The following MYEF2 variants were observed in gnomAD, a reference collection of about 807,000 sequenced individuals.
MYEF2 encodes myelin gene expression factor 2.
A neutral mutation model predicts 75.2 loss-of-function variants in MYEF2; 37 were observed. The observed-to-expected ratio is 0.49, with a 90% CI of 0.38 to 0.65. MYEF2 has a LOEUF of 0.65. MYEF2 is among the 30% of genes least tolerant of loss of function. The pLI is 0.00. For synonymous variants in MYEF2, 195 were observed against 241.6 expected, an observed-to-expected ratio of 0.81 and a Z score of 1.79; for missense variants, 634 against 771.4, an observed-to-expected ratio of 0.82 and a Z score of 2.11.
rs952514537 is a variant in MYEF2 at position 48,141,744 on chromosome 15, T to C, written c.*1164A>G. On this transcript the variant is annotated 3_prime_UTR_variant, in exon 17 of 17. Transcript: ENST00000324324. Reference sequence around the variant, plus strand: ...TTCATTTGAAATGTGTGTTAAATAGTAATTAACCATTAACCATGTTAAATT... The same window carrying C: ...TTCATTTGAAATGTGTGTTAAATAGCAATTAACCATTAACCATGTTAAATT... The C allele has an allele frequency of 4.6e-6, 1 of 216,822 alleles. No homozygotes were observed. Among genetic ancestry groups the C allele is most frequent in the Non-Finnish European group, 9.1e-6 (1 of 110,144 alleles). 13.4% of individuals were successfully genotyped at this position (216,822 alleles called of 1,614,324 possible). A position where few individuals can be genotyped will look rare whatever the true frequency, so the allele number is the denominator to read the frequency against.
intron 7 of MYEF2, among the ~76,000 whole-genome samples, 177 bp downstream of exon 7, chr15:48,158,592 A>G (rs1208373949): frequency 6.6e-6 from 1 of 152,136 alleles, no homozygotes; most frequent in Non-Finnish European, 1.5e-5. Flanking sequence ...TGGCCAATTC[A>G]AGTTTTAAGA....
intron 16 of MYEF2, among the ~76,000 whole-genome samples, chr15:48,143,664 G>A (rs1301595261): frequency 6.6e-6 from 1 of 151,888 alleles, no homozygotes. Flanking sequence ...AATATGCTAC[G>A]GAAATAGTCA....
chr15:48,153,506 T>A, intron 10 of MYEF2: 1 of 274,684 alleles, frequency 3.6e-6, no homozygotes, highest in Non-Finnish European at 7.0e-6. Flanking sequence ...TAAATACTGT[T>A]CATAGATGAT....
chr15:48,174,677 G>T (rs1301922454), intron 1 of MYEF2, among the ~76,000 whole-genome samples: 1 of 152,012 alleles, frequency 6.6e-6, no homozygotes, highest in African/African-American at 2.4e-5. Context: ...ACGGCCAAAA[G>T]GTATATGAAA....
rs184366171 is a variant in MYEF2, at chr15:48,169,090, A to T, written c.162-251T>A. Among the ~76,000 whole-genome samples, 19 of 152,272 alleles carry T rather than the reference A, an allele frequency of 1.2e-4. No individual in the cohort carries two copies. The East Asian group carries it at 3.3e-3, about 26-fold the overall frequency. On this transcript the variant is annotated intron_variant, in intron 1 of 16. Coordinates refer to ENST00000324324, the MANE Select transcript of MYEF2 (RefSeq NM_016132.5). The stretch of plus-strand genomic sequence containing the variant: ...ATTAAATAGTTGTAAGCATCCAAAC[A>T]ATCACCCAGTTTTTCCCATCACACT...
intron 7 of MYEF2, among the ~76,000 whole-genome samples, chr15:48,158,455 T>C (rs2039792953): frequency 6.6e-6 from 1 of 152,160 alleles, no homozygotes; most frequent in Non-Finnish European, 1.5e-5. Context: ...AAAAGTAAAC[T>C]CGTAAGGCTT....
rs899852231 is a variant in MYEF2 at position 48,138,009 on chromosome 15, T to C, written c.*4899A>G. Reference sequence around the variant, plus strand: ...ATCTACTACTTAAAATTTTAAAACATGACTTTTCCCCCTTTTTACAAAAAT... The same window carrying C: ...ATCTACTACTTAAAATTTTAAAACACGACTTTTCCCCCTTTTTACAAAAAT... On this transcript the variant is annotated 3_prime_UTR_variant, in exon 17 of 17. Transcript: ENST00000324324. 2 of 152,118 alleles carry C rather than the reference T, an allele frequency of 1.3e-5. No homozygotes were observed. Among genetic ancestry groups the C allele is most frequent in the African/African-American group, 4.8e-5 (2 of 41,452 alleles). 9.4% of individuals were successfully genotyped at this position (152,118 alleles called of 1,614,324 possible).
At chr15:48,156,475 A>G (rs1427499125) in intron 9 of MYEF2, among the ~76,000 whole-genome samples, 3 of 151,870 alleles carry the variant, frequency 2.0e-5, no homozygotes, top group Non-Finnish European at 4.4e-5. Flanking sequence ...AACAGAAAAA[A>G]TCCTTAGAAA....
intron 1 of MYEF2, among the ~76,000 whole-genome samples, chr15:48,172,524 T>C (rs1042527781): frequency 1.3e-5 from 2 of 148,792 alleles, no homozygotes; most frequent in African/African-American, 4.9e-5. Context: ...CAAAAATAAA[T>C]GAAATATACT....
At chr15:48,156,783 A>G (rs1416264735) in intron 9 of MYEF2, among the ~76,000 whole-genome samples, 1 of 152,062 alleles carries the variant, frequency 6.6e-6, no homozygotes, top group Non-Finnish European at 1.5e-5. Flanking sequence ...ACAATTTAAA[A>G]AAAAAAGCAA....
At chr15:48,164,393 T>C (rs1434595605) in intron 5 of MYEF2, among the ~76,000 whole-genome samples, 2 of 152,052 alleles carry the variant, frequency 1.3e-5, no homozygotes, top group African/African-American at 4.8e-5. Flanking sequence ...CTAAACAAAT[T>C]AGGAGTTACT....
Position 48,136,252 on chromosome 15 carries a change from G to C in MYEF2, c.*6656C>G, listed in dbSNP as rs774813629. 8.9e-4 allele frequency: 135 copies of C among 152,456 alleles called. 2 individuals are homozygous for C. The highest frequency in any genetic ancestry group is 1.6e-4 in the Non-Finnish European group (11 of 68,316). The allele number at this position is 152,456 out of a possible 1,614,324, so 9.4% of individuals were successfully genotyped here. On this transcript the variant is annotated 3_prime_UTR_variant, in exon 17 of 17. Coordinates refer to ENST00000324324, the MANE Select transcript of MYEF2 (RefSeq NM_016132.5). The stretch of plus-strand genomic sequence containing the variant: ...CCTATACCAGAAAACTTGGACAGTT[G>C]AAATAACTTAACAGTTACTATATTA...
chr15:48,159,130 A>T (rs1490661407), intron 6 of MYEF2, among the ~76,000 whole-genome samples: 5 of 152,058 alleles, frequency 3.3e-5, no homozygotes, highest in Non-Finnish European at 1.5e-5. Context: ...TATTTTTTTT[A>T]ATTTCCAAAA....
In MYEF2 at chr15:48,166,009, T is replaced by A. The variant is rs1210402849; in HGVS notation, c.449A>T (p.Asp150Val). ...SRGCGVVEFK[D>V]EEFVKKALET... ...TAGGGCTTTCTTTACAAATTCTTCA[T>A]CTTTGAATTCAACCACACTTAATAG... Residue 150 changes from aspartate to valine, a missense_variant, in exon 5 of 17, where the codon GAT (aspartate) becomes GTT (valine). Transcript: ENST00000324324. The A allele has an allele frequency of 6.3e-7, 1 of 1,596,288 alleles. No homozygotes were observed. The highest frequency in any genetic ancestry group is 8.5e-7 in the Non-Finnish European group (1 of 1,170,680).
intron 5 of MYEF2, among the ~76,000 whole-genome samples, chr15:48,160,348 G>T (rs919510323): frequency 1.3e-5 from 2 of 151,922 alleles, no homozygotes; most frequent in South Asian, 2.1e-4. Context: ...CTTCAACAAT[G>T]ATTATAATCT....
intron 10 of MYEF2, 197 bp downstream of exon 10, chr15:48,153,595 A>C: frequency 1.9e-6 from 1 of 520,482 alleles, no homozygotes; most frequent in East Asian, 3.1e-5. Context: ...GCCCCAAAGA[A>C]ACCCTCCTGA....
Position 48,142,157 on chromosome 15 carries a change from G to C in MYEF2, c.*751C>G. On this transcript the variant is annotated 3_prime_UTR_variant, in exon 17 of 17. Coordinates refer to ENST00000324324, the MANE Select transcript of MYEF2 (RefSeq NM_016132.5). ...AGCTCCTGCAGAAGTAAACAGCAGA[G>C]GACTAACTTACATAACCATCTCTCT... is the stretch of plus-strand genomic sequence containing the variant. The C allele has an allele frequency of 1.2e-6, 2 of 1,613,798 alleles. No individual in the cohort carries two copies. The highest frequency in any genetic ancestry group is 1.7e-6 in the Non-Finnish European group (2 of 1,179,878).
chr15:48,141,175 A>T lies in MYEF2; in HGVS notation c.*1733T>A. 1 of 1,614,008 alleles carries T rather than the reference A, an allele frequency of 6.2e-7. No homozygotes were observed. Among genetic ancestry groups the T allele is most frequent in the Non-Finnish European group, 8.5e-7 (1 of 1,179,880 alleles). ...TACTTTATTAGCAGCAGGAACAAGC[A>T]TACCAGACACAATTGCAAGTGTGTT... On this transcript the variant is annotated 3_prime_UTR_variant, in exon 17 of 17. Coordinates refer to ENST00000324324, the MANE Select transcript of MYEF2 (RefSeq NM_016132.5).
At chr15:48,157,681 G>A in intron 9 of MYEF2, 1 of 895,878 alleles carries the variant, frequency 1.1e-6, no homozygotes, top group Non-Finnish European at 1.4e-6. Context: ...ACACAAAAAT[G>A]TTATAATGAG....
Sources: gnomAD v4.1 joint callset for allele counts (sites outside exome capture counted in the v4.1 genomes callset) on GRCh38, gnomAD v4.1.1 for gene constraint, MANE v1.5 for transcripts, NCBI Gene and HGNC (gene_info 2026-07-23, HGNC 2026-07-21) for gene names.